Variants in NBAS observed in about 807,000 individuals in gnomAD.
The protein encoded by NBAS is NAG/BC035112 fusion.
Under a neutral mutation model 302.5 loss-of-function variants are expected in NBAS, and 219 were observed. The ratio of observed to expected loss-of-function variants is 0.72; its 90% CI spans 0.65 to 0.81. The LOEUF is 0.81. Among genes scored for constraint, NBAS ranks in the 30% least tolerant of loss-of-function variants. The pLI is 0.00. For missense variants in NBAS, 2,932 were observed against 2,841.6 expected (o/e 1.03, Z -0.72); for synonymous variants, 1,118 against 1,021.6 (o/e 1.09, Z -1.80).
chr2:15,326,243 ACTTG>A (rs889541832), intron 38 of NBAS, among the ~76,000 whole-genome samples: 53 of 152,362 alleles, frequency 3.5e-4, no homozygotes, highest in African/African-American at 1.2e-3. Flanking sequence ...GTTCTGATAG[ACTTG>A]CTTGACATAG....
chr2:15,438,291 T>A (rs1678132664), intron 21 of NBAS, among the ~76,000 whole-genome samples: 1 of 152,162 alleles, frequency 6.6e-6, no homozygotes, highest in Non-Finnish European at 1.5e-5. Flanking sequence ...TTTGATTAAA[T>A]AAATCATATG....
At chr2:15,117,356 C>T in the NBAS span, among the ~76,000 whole-genome samples, 1 of 152,256 alleles carries the variant, frequency 6.6e-6, no homozygotes, top group African/African-American at 2.4e-5. Context: ...ACTTTCACCG[C>T]CTATCCATTC....
At chr2:15,025,488 A>G in the NBAS span, among the ~76,000 whole-genome samples, 1 of 152,158 alleles carries the variant, frequency 6.6e-6, no homozygotes, top group Non-Finnish European at 1.5e-5. Flanking sequence ...AGTTTTTTCT[A>G]GTTCTGTGAA....
At chr2:15,431,401 T>C (rs1406400309) in intron 21 of NBAS, among the ~76,000 whole-genome samples, 2 of 152,198 alleles carry the variant, frequency 1.3e-5, no homozygotes, top group Admixed American at 6.5e-5. Context: ...GTAAGTTCTT[T>C]ATTTTGCTTC....
the NBAS span, among the ~76,000 whole-genome samples, chr2:14,937,708 G>T: frequency 6.6e-6 from 1 of 152,098 alleles, no homozygotes; most frequent in African/African-American, 2.4e-5. Context: ...TTATTCTTGA[G>T]AACTGCAAGC....
chr2:15,270,364 C>T (rs952702869), intron 44 of NBAS, among the ~76,000 whole-genome samples: 2 of 151,942 alleles, frequency 1.3e-5, no homozygotes, highest in Admixed American at 1.3e-4. Context: ...GGGGTTTCAC[C>T]GTGGTAGCCA....
chr2:15,110,342 G>A, the NBAS span, among the ~76,000 whole-genome samples: 2 of 152,146 alleles, frequency 1.3e-5, no homozygotes, highest in Non-Finnish European at 2.9e-5. Context: ...CTGTGGACCA[G>A]ATGCACAAAT....
the NBAS span, among the ~76,000 whole-genome samples, chr2:14,803,723 C>T: frequency 6.6e-6 from 1 of 152,184 alleles, no homozygotes; most frequent in African/African-American, 2.4e-5. Context: ...AATCTTGGCT[C>T]ACTGCAACCC....
At chr2:15,039,947 T>A in the NBAS span, among the ~76,000 whole-genome samples, 1 of 152,156 alleles carries the variant, frequency 6.6e-6, no homozygotes, top group Non-Finnish European at 1.5e-5. Flanking sequence ...TTGTAATAGG[T>A]CAGGCAGGTG....
At chr2:15,193,860 GC>G (rs1665481608) in intron 48 of NBAS, among the ~76,000 whole-genome samples, 1 of 152,056 alleles carries the variant, frequency 6.6e-6, no homozygotes, top group African/African-American at 2.4e-5. Context: ...CTGCTCCTCT[GC>G]AAAGCACAAC....
chr2:14,951,467 C>A, the NBAS span, among the ~76,000 whole-genome samples: 13 of 152,160 alleles, frequency 8.5e-5, no homozygotes, highest in Non-Finnish European at 1.2e-4. Context: ...CTGGATTATA[C>A]CTGGAGAGCC....
In NBAS at chr2:15,474,174, C is replaced by CA; in HGVS notation, c.1491dup (p.Glu498Ter). 1 of 1,614,098 alleles carries CA rather than the reference C, an allele frequency of 6.2e-7. No individual in the cohort carries two copies. The highest frequency in any genetic ancestry group is 8.5e-7 in the Non-Finnish European group (1 of 1,180,014). ...CGTGGTGGTGCAAATCGCTCCATTT[C>CA]AGTCACCAAGTAAAGGCCCTGTTTT... is the stretch of plus-strand genomic sequence containing the variant. On this transcript the variant is annotated frameshift_variant, in exon 15 of 52. Transcript: ENST00000281513. LOFTEE classifies it high-confidence loss of function.
At chr2:14,883,244 C>T in the NBAS span, among the ~76,000 whole-genome samples, 23 of 152,170 alleles carry the variant, frequency 1.5e-4, no homozygotes, top group African/African-American at 5.3e-4. Context: ...AAAATTTGTT[C>T]GTATTTTCTC....
the NBAS span, among the ~76,000 whole-genome samples, chr2:14,793,301 A>G: frequency 6.6e-6 from 1 of 152,226 alleles, no homozygotes. Context: ...AGTCATCATA[A>G]AAATAATTCA....
chr2:15,070,789 A>G, the NBAS span, among the ~76,000 whole-genome samples: 1 of 152,218 alleles, frequency 6.6e-6, no homozygotes, highest in African/African-American at 2.4e-5. Context: ...ACGTTGTTAC[A>G]AGACTTACCT....
chr2:15,257,945 A>T (rs1558481132), intron 44 of NBAS, among the ~76,000 whole-genome samples: 3 of 152,216 alleles, frequency 2.0e-5, no homozygotes, highest in Admixed American at 6.5e-5. Flanking sequence ...ATCCAAGAGC[A>T]CATAAACTAG....
At chr2:14,934,104 T>C in the NBAS span, among the ~76,000 whole-genome samples, 1 of 152,178 alleles carries the variant, frequency 6.6e-6, no homozygotes, top group Non-Finnish European at 1.5e-5. Context: ...CCTGGGAATT[T>C]ACAAATGGAA....
intron 27 of NBAS, 88 bp from the exon 28 acceptor site, chr2:15,394,437 T>A: frequency 1.4e-6 from 2 of 1,427,448 alleles, no homozygotes; most frequent in Admixed American, 1.8e-5. Flanking sequence ...CCTTCAGTGT[T>A]TAGTATTAAA....
the NBAS span, among the ~76,000 whole-genome samples, chr2:14,883,669 C>T: frequency 6.6e-6 from 1 of 152,120 alleles, no homozygotes; most frequent in African/African-American, 2.4e-5. Flanking sequence ...GGTGTCTACC[C>T]TCCTCCCCCA....
Sources: allele counts gnomAD v4.1 joint callset (sites outside exome capture counted in the v4.1 genomes callset), GRCh38; gene constraint gnomAD v4.1.1; transcripts MANE v1.5; gene names NCBI Gene and HGNC (gene_info 2026-07-23, HGNC 2026-07-21).